Variants in EXOC6B observed in about 807,000 individuals in gnomAD.
EXOC6B encodes the protein SEC15 homolog B.
EXOC6B carries 54 observed loss-of-function variants against 113.5 expected under a neutral mutation model. The ratio of observed to expected loss-of-function variants is 0.48; its 90% confidence interval spans 0.38 to 0.60. The LOEUF is 0.60. EXOC6B is among the 20% of genes least tolerant of loss of function. The pLI is 0.00. For synonymous variants in EXOC6B, 357 were observed against 339.0 expected, an observed-to-expected ratio of 1.05 and a Z score of -0.58; for missense variants, 797 against 977.5, an observed-to-expected ratio of 0.82 and a Z score of 2.46.
chr2:72,618,996 T>C (rs781223128), intron 6 of EXOC6B, among the ~76,000 whole-genome samples: 2 of 152,146 alleles, frequency 1.3e-5, no homozygotes, highest in Non-Finnish European at 2.9e-5. Context: ...CCGAGTAAAA[T>C]AGTGTTGCTA....
intron 6 of EXOC6B, among the ~76,000 whole-genome samples, chr2:72,618,169 G>C (rs1671519298): frequency 6.6e-6 from 1 of 152,072 alleles, no homozygotes; most frequent in African/African-American, 2.4e-5. Context: ...AGGAGTTCAA[G>C]ACCAGTCTGG....
intron 19 of EXOC6B, among the ~76,000 whole-genome samples, chr2:72,373,018 A>G (rs1178372539): frequency 1.3e-5 from 2 of 152,108 alleles, no homozygotes; most frequent in African/African-American, 4.8e-5. Context: ...TGAAAGGACT[A>G]CAAGAAAACA....
At chr2:72,755,217 G>A (rs557440605) in intron 1 of EXOC6B, among the ~76,000 whole-genome samples, 1 of 152,222 alleles carries the variant, frequency 6.6e-6, no homozygotes, top group African/African-American at 2.4e-5. Flanking sequence ...TTATCCAGAA[G>A]TTACATTAGG....
At position 72,204,975 on chromosome 2, in the gene EXOC6B, T is replaced by C. The variant is rs1285362591; in HGVS notation, c.2197-20788A>G. 3.3e-5 allele frequency among the ~76,000 whole-genome samples: 5 copies of C among 152,220 alleles called. No individual in the cohort carries two copies. The East Asian group carries it at 9.7e-4, about 29-fold the overall frequency. ...CTGCAAAGCCTAAAACTCAACGGAA[T>C]AGCTGAGGTGCTCCTGGTCCCATTT... On this transcript the variant is annotated intron_variant, in intron 20 of 21. Coordinates refer to ENST00000272427, the MANE Select transcript of EXOC6B (RefSeq NM_015189.3).
At chr2:72,702,830 T>C (rs1678529460) in intron 6 of EXOC6B, among the ~76,000 whole-genome samples, 2 of 145,236 alleles carry the variant, frequency 1.4e-5, no homozygotes, top group South Asian at 4.6e-4. Context: ...TAGCCCTTTG[T>C]CAGATGAGTA....
intron 6 of EXOC6B, among the ~76,000 whole-genome samples, chr2:72,647,989 A>G (rs1673864164): frequency 6.6e-6 from 1 of 152,252 alleles, no homozygotes; most frequent in African/African-American, 2.4e-5. Context: ...CAGAGTGAAC[A>G]GGAAACCTAC....
At chr2:72,276,192 C>G (rs1445400510) in intron 20 of EXOC6B, among the ~76,000 whole-genome samples, 2 of 152,030 alleles carry the variant, frequency 1.3e-5, no homozygotes, top group African/African-American at 4.8e-5. Flanking sequence ...GGGGTAGACT[C>G]TTACAGGAGT....
At chr2:72,609,984 AT>A (rs567838223) in intron 6 of EXOC6B, among the ~76,000 whole-genome samples, 236 of 152,272 alleles carry the variant, frequency 1.5e-3, no homozygotes, top group African/African-American at 5.0e-3. Context: ...GAAGAAAAAA[AT>A]TAACAGAATC....
At chr2:72,473,418 T>G (rs1032918933) in intron 17 of EXOC6B, among the ~76,000 whole-genome samples, 1 of 152,146 alleles carries the variant, frequency 6.6e-6, no homozygotes, top group Non-Finnish European at 1.5e-5. Context: ...GATCCCATTA[T>G]CATTATATAA....
intron 6 of EXOC6B, among the ~76,000 whole-genome samples, chr2:72,594,169 G>C (rs1023549558): frequency 2.0e-5 from 3 of 152,064 alleles, no homozygotes; most frequent in South Asian, 2.1e-4. Context: ...TTTTTACAGA[G>C]ACAGGGTGTT....
intron 1 of EXOC6B, among the ~76,000 whole-genome samples, chr2:72,783,921 A>T (rs908874756): frequency 6.6e-6 from 1 of 152,076 alleles, no homozygotes. Context: ...CTTTGCTTAG[A>T]CCAATGTTCT....
intron 20 of EXOC6B, among the ~76,000 whole-genome samples, chr2:72,224,963 T>C (rs1458559662): frequency 1.3e-5 from 2 of 150,724 alleles, no homozygotes; most frequent in East Asian, 3.9e-4. Context: ...TCTGTATGTG[T>C]ATATACATCT....
chr2:72,698,137 G>C lies in EXOC6B; in HGVS notation c.669+19966C>G, dbSNP rs577140706. Among the ~76,000 whole-genome samples the C allele has an allele frequency of 3.3e-5, 5 of 152,204 alleles. 1 individual carries two copies. The South Asian group carries it at 1.0e-3, about 32-fold the overall frequency. On this transcript the variant is annotated intron_variant, in intron 6 of 21. Coordinates refer to ENST00000272427, the MANE Select transcript of EXOC6B (RefSeq NM_015189.3). ...AGTGCAAAGTGGAGTCACTGGAGAG[G>C]GGAAGATTGAAAAATAAAGGGAGGA...
intron 6 of EXOC6B, among the ~76,000 whole-genome samples, chr2:72,577,371 C>T (rs1558812204): frequency 6.6e-6 from 1 of 151,974 alleles, no homozygotes; most frequent in Admixed American, 6.6e-5. Flanking sequence ...TCAAGGACTC[C>T]GGGGCACAAA....
At chr2:72,720,887 T>C (rs745821515) in intron 5 of EXOC6B, among the ~76,000 whole-genome samples, 51 of 151,864 alleles carry the variant, frequency 3.4e-4, no homozygotes, top group South Asian at 8.3e-4. Context: ...AGGGATGATA[T>C]TTGTCTAATA....
chr2:72,280,427 G>T (rs1558517144), intron 20 of EXOC6B, among the ~76,000 whole-genome samples: 1 of 151,718 alleles, frequency 6.6e-6, no homozygotes, highest in Non-Finnish European at 1.5e-5. Context: ...TACCAATATG[G>T]GTATAAAAGT....
intron 12 of EXOC6B, 27 bp from the exon 13 acceptor site, chr2:72,498,578 A>G: frequency 6.7e-7 from 1 of 1,500,320 alleles, no homozygotes; most frequent in South Asian, 1.2e-5. Context: ...AAATCACTTC[A>G]GTGTCTAAGG....
intron 6 of EXOC6B, among the ~76,000 whole-genome samples, chr2:72,717,780 G>A (rs541571837): frequency 6.6e-6 from 1 of 152,154 alleles, no homozygotes; most frequent in Non-Finnish European, 1.5e-5. Flanking sequence ...TTAACTAGAA[G>A]GAGAACTTTA....
At chr2:72,721,364 T>TAAAA (rs11408155) in intron 5 of EXOC6B, among the ~76,000 whole-genome samples, 2 of 28,494 alleles carry the variant, frequency 7.0e-5, no homozygotes, top group African/African-American at 2.3e-4. Flanking sequence ...GTTGTTTTTG[T>TAAAA]AAAAAAAAAA....
Sources: gnomAD v4.1 joint callset for allele counts (sites outside exome capture counted in the v4.1 genomes callset) on GRCh38, gnomAD v4.1.1 for gene constraint, MANE v1.5 for transcripts, NCBI Gene and HGNC (gene_info 2026-07-23, HGNC 2026-07-21) for gene names.